PALM2AKAP2: variants seen among roughly 807,000 people sequenced by gnomAD.
PALM2AKAP2 encodes PALM2-AKAP2 fusion protein.
PALM2AKAP2 carries 37 observed loss-of-function variants against 71.5 expected under a neutral mutation model. The ratio of observed to expected loss-of-function variants is 0.52; its 90% CI spans 0.40 to 0.68. The LOEUF (loss-of-function observed/expected upper bound fraction) is 0.68, where lower values mean the gene tolerates loss of function less well. Among genes scored for constraint, PALM2AKAP2 ranks in the 30% least tolerant of loss-of-function variants. The pLI is 0.00. For missense variants in PALM2AKAP2, 1,224 were observed against 1,191.8 expected (o/e 1.03, Z -0.40); for synonymous variants, 468 against 478.8 (o/e 0.98, Z 0.29).
Position 109,887,391 on chromosome 9 carries a change from G to A in PALM2AKAP2, c.257+6710G>A, listed in dbSNP as rs190121541. 2.6e-4 allele frequency among the ~76,000 whole-genome samples: 39 copies of A among 152,290 alleles called. No homozygotes were observed. In the East Asian group the frequency reaches 3.3e-3, roughly 13 times the overall value. On this transcript the variant is annotated intron_variant, in intron 3 of 9. Coordinates refer to the PALM2AKAP2 transcript ENST00000302798. Reference sequence around the variant, plus strand: ...ATTCCACATCTGTGCACTTCCAGCCGGGGTCCCCACCCCACGTTCAGCCAC... The same window carrying A: ...ATTCCACATCTGTGCACTTCCAGCCAGGGTCCCCACCCCACGTTCAGCCAC...
chr9:109,805,030 C>G (rs1251295321), intron 1 of PALM2AKAP2, among the ~76,000 whole-genome samples: 2 of 152,168 alleles, frequency 1.3e-5, no homozygotes, highest in Non-Finnish European at 2.9e-5. Context: ...CCGTTATAAA[C>G]TCTTCATAAA....
intron 1 of PALM2AKAP2, chr9:109,765,282 A>G (rs778400273): frequency 6.6e-6 from 1 of 152,270 alleles, no homozygotes; most frequent in Admixed American, 6.5e-5. Context: ...CATCTGTGCT[A>G]TATGACCTTA....
intron 1 of PALM2AKAP2, among the ~76,000 whole-genome samples, chr9:109,658,568 T>A (rs1304010048): frequency 1.3e-5 from 2 of 152,208 alleles, no homozygotes; most frequent in Non-Finnish European, 2.9e-5. Flanking sequence ...ACTTACATAC[T>A]GCTGATAAAG....
At chr9:109,745,197 A>T (rs1828779636) in intron 1 of PALM2AKAP2, among the ~76,000 whole-genome samples, 1 of 152,134 alleles carries the variant, frequency 6.6e-6, no homozygotes, top group Non-Finnish European at 1.5e-5. Context: ...CTTAAAAATA[A>T]GGCTCGTAGC....
intron 1 of PALM2AKAP2, among the ~76,000 whole-genome samples, chr9:110,054,717 T>C (rs1223585663): frequency 2.0e-5 from 3 of 151,998 alleles, no homozygotes; most frequent in Non-Finnish European, 4.4e-5. Flanking sequence ...GGACTACAGG[T>C]GCATGCCACC....
At chr9:110,042,057 T>C (rs758874006) in intron 7 of PALM2AKAP2, among the ~76,000 whole-genome samples, 7 of 152,220 alleles carry the variant, frequency 4.6e-5, no homozygotes, top group Non-Finnish European at 1.0e-4. Context: ...AAAACACAAC[T>C]ATAAGTCAAT....
chr9:109,997,510 A>G (rs886743537), intron 6 of PALM2AKAP2, among the ~76,000 whole-genome samples: 3 of 152,248 alleles, frequency 2.0e-5, no homozygotes, highest in African/African-American at 7.2e-5. Flanking sequence ...ACACATATAT[A>G]TATTTGAGAT....
intron 1 of PALM2AKAP2, among the ~76,000 whole-genome samples, chr9:109,690,417 G>T (rs1475142590): frequency 6.6e-6 from 1 of 152,000 alleles, no homozygotes; most frequent in Non-Finnish European, 1.5e-5. Context: ...TTCCTCCAAA[G>T]GCCCATCTGT....
intron 6 of PALM2AKAP2, among the ~76,000 whole-genome samples, chr9:109,955,076 G>T (rs889748924): frequency 1.3e-5 from 2 of 151,868 alleles, no homozygotes; most frequent in African/African-American, 4.8e-5. Context: ...CACCTGCCTG[G>T]CCCCTATTGG....
chr9:109,747,167 AGC>A (rs1828815433), intron 1 of PALM2AKAP2, among the ~76,000 whole-genome samples: 1 of 152,184 alleles, frequency 6.6e-6, no homozygotes, highest in Admixed American at 6.5e-5. Context: ...GTAATAGCCT[AGC>A]TTTGTTTTTA....
intron 6 of PALM2AKAP2, among the ~76,000 whole-genome samples, chr9:110,009,436 C>T (rs754595779): frequency 3.3e-5 from 5 of 151,964 alleles, no homozygotes; most frequent in South Asian, 2.1e-4. Context: ...CAAAGTTGGC[C>T]GGGCGCGGTG....
rs1425524702 is a variant in PALM2AKAP2 at position 109,936,429 on chromosome 9, T to C, written c.496+4401T>C. Among the ~76,000 whole-genome samples the C allele has an allele frequency of 2.0e-5, 3 of 152,332 alleles. No individual in the cohort carries two copies. The South Asian group carries it at 6.2e-4, about 32-fold the overall frequency. On this transcript the variant is annotated intron_variant, in intron 6 of 9. Coordinates refer to the PALM2AKAP2 transcript ENST00000302798. ...ATTTTTATTGTCATTGGCATCACAA[T>C]AGCCATTTTTACATTTCCAGCCCAA...
chr9:109,771,265 G>A (rs1295781215), intron 1 of PALM2AKAP2, among the ~76,000 whole-genome samples: 4 of 152,298 alleles, frequency 2.6e-5, no homozygotes, highest in Non-Finnish European at 4.4e-5. Context: ...ATACCAAGAG[G>A]GGGTGGGATT....
At chr9:109,667,459 G>C (rs1033704686) in intron 1 of PALM2AKAP2, among the ~76,000 whole-genome samples, 3 of 152,110 alleles carry the variant, frequency 2.0e-5, no homozygotes, top group Non-Finnish European at 4.4e-5. Context: ...TATTCTAAAA[G>C]CAAAACGAAG....
intron 1 of PALM2AKAP2, among the ~76,000 whole-genome samples, chr9:109,816,617 G>T (rs78799091): frequency 0.069 from 10,518 of 152,222 alleles, 481 homozygotes; most frequent in South Asian, 0.098. Context: ...AGGAAACTGT[G>T]GGAATAGGGT....
chr9:109,976,733 A>C (rs932570616), intron 6 of PALM2AKAP2, among the ~76,000 whole-genome samples: 2 of 152,214 alleles, frequency 1.3e-5, no homozygotes, highest in African/African-American at 4.8e-5. Context: ...TATATGTGTT[A>C]TCTCATTAAA....
At chr9:109,803,546 T>A (rs1827491934) in intron 1 of PALM2AKAP2, among the ~76,000 whole-genome samples, 1 of 152,190 alleles carries the variant, frequency 6.6e-6, no homozygotes. Context: ...CCTGAGATGC[T>A]GGTGATTTTG....
chr9:110,035,099 G>A (rs1248885712), intron 7 of PALM2AKAP2, among the ~76,000 whole-genome samples: 3 of 150,134 alleles, frequency 2.0e-5, no homozygotes, highest in Non-Finnish European at 4.4e-5. Flanking sequence ...ATCAACTTAC[G>A]GGAAAATCTA....
At chr9:109,829,171 G>C (rs897765268) in intron 1 of PALM2AKAP2, among the ~76,000 whole-genome samples, 27 of 152,064 alleles carry the variant, frequency 1.8e-4, no homozygotes, top group African/African-American at 6.3e-4. Flanking sequence ...ATTATACTTG[G>C]TTGTTTGCAT....
Sources: allele counts gnomAD v4.1 joint callset (sites outside exome capture counted in the v4.1 genomes callset), GRCh38; gene constraint gnomAD v4.1.1; transcripts MANE v1.5; gene names NCBI Gene and HGNC (gene_info 2026-07-23, HGNC 2026-07-21).